Variants in SLC22A3 observed in about 807,000 individuals in gnomAD.
The protein encoded by SLC22A3 is solute carrier family 22 member 3, also known as EMT organic cation transporter 3.
Under a neutral mutation model 59.1 loss-of-function variants are expected in SLC22A3, and 51 were observed. The ratio of observed to expected loss-of-function variants is 0.86; its 90% CI spans 0.69 to 1.09. The LOEUF is 1.09. SLC22A3 is among the 50% of genes least tolerant of loss of function. The pLI, the probability that SLC22A3 is intolerant of heterozygous loss-of-function variation, is 0.00. For synonymous variants in SLC22A3, 325 were observed against 292.0 expected (o/e 1.11, Z -1.15); for missense variants, 711 against 726.3 (o/e 0.98, Z 0.24).
At chr6:160,430,366 C>T (rs959783713) in intron 5 of SLC22A3, among the ~76,000 whole-genome samples, 27 of 151,844 alleles carry the variant, frequency 1.8e-4, no homozygotes, top group Non-Finnish European at 3.7e-4. Flanking sequence ...TTTTTCTGAC[C>T]CGAGACCAGT....
chr6:160,446,920 G>A (rs1788766386), intron 9 of SLC22A3, among the ~76,000 whole-genome samples: 2 of 152,172 alleles, frequency 1.3e-5, no homozygotes, highest in African/African-American at 4.8e-5. Context: ...GCCCAGGCAG[G>A]GATGTTGTGT....
At chr6:160,409,200 T>C (rs1376944418) in intron 4 of SLC22A3, among the ~76,000 whole-genome samples, 1 of 100,022 alleles carries the variant, frequency 1.0e-5, no homozygotes, top group Non-Finnish European at 2.0e-5. Flanking sequence ...GTCCCCAGAG[T>C]GTGATATTCC....
intron 1 of SLC22A3, among the ~76,000 whole-genome samples, chr6:160,349,267 T>G (rs1384488023): frequency 6.6e-6 from 1 of 152,126 alleles, no homozygotes; most frequent in Non-Finnish European, 1.5e-5. Context: ...CGTTGGCAGT[T>G]CCGGATTCGC....
intron 1 of SLC22A3, among the ~76,000 whole-genome samples, chr6:160,383,530 A>G (rs939414287): frequency 2.0e-5 from 3 of 146,490 alleles, no homozygotes; most frequent in African/African-American, 7.4e-5. Flanking sequence ...TTCACATTCT[A>G]TACATAGAAT....
intron 7 of SLC22A3, among the ~76,000 whole-genome samples, chr6:160,442,211 G>A (rs1419512550): frequency 6.6e-6 from 1 of 152,174 alleles, no homozygotes; most frequent in African/African-American, 2.4e-5. Context: ...TTGCCTTAGT[G>A]GTAACACACA....
At chr6:160,426,168 CCTGA>C (rs1286647795) in intron 5 of SLC22A3, 1 of 985,382 alleles carries the variant, frequency 1.0e-6, no homozygotes, top group Non-Finnish European at 1.2e-6. Flanking sequence ...TTCAGCTATA[CCTGA>C]CTTTCTCTGG....
chr6:160,429,647 T>C (rs1356669254), intron 5 of SLC22A3, among the ~76,000 whole-genome samples: 1 of 152,182 alleles, frequency 6.6e-6, no homozygotes, highest in Non-Finnish European at 1.5e-5. Flanking sequence ...GCGGGGCTTG[T>C]TCAGCAGGCT....
Position 160,437,039 on chromosome 6 carries a change from G to A in SLC22A3, c.1116G>A (p.Leu372=), listed in dbSNP as rs141347281. ...AVVYQGLVMR[L]GIIGGNLYID... is the part of the protein sequence containing the mutation. Reference sequence around the variant, plus strand: ...TGTATCAAGGACTTGTCATGCGCCTGGGAATTATAGGGGGCAACCTCTATA... The same window carrying A: ...TGTATCAAGGACTTGTCATGCGCCTAGGAATTATAGGGGGCAACCTCTATA... Residue 372 remains leucine, a synonymous_variant, in exon 7 of 11, where the codon CTG becomes CTA. Coordinates refer to ENST00000275300, the MANE Select transcript of SLC22A3 (RefSeq NM_021977.4). 7.3e-5 allele frequency: 118 copies of A among 1,614,130 alleles called. No homozygotes were observed. The African/African-American group carries it at 1.5e-3, about 21-fold the overall frequency.
chr6:160,422,638 C>G (rs1213179379), intron 5 of SLC22A3, among the ~76,000 whole-genome samples: 1 of 152,144 alleles, frequency 6.6e-6, no homozygotes, highest in Non-Finnish European at 1.5e-5. Context: ...AATAGAATTT[C>G]ATATACAGAA....
chr6:160,405,527 A>C (rs979409082), intron 2 of SLC22A3, among the ~76,000 whole-genome samples: 1 of 152,144 alleles, frequency 6.6e-6, no homozygotes, highest in Non-Finnish European at 1.5e-5. Context: ...ACAAAATTAA[A>C]CATACTTTTA....
intron 2 of SLC22A3, among the ~76,000 whole-genome samples, chr6:160,404,866 C>CAAAAAAA (rs35421179): frequency 9.3e-6 from 1 of 107,218 alleles, no homozygotes; most frequent in Non-Finnish European, 2.0e-5. Flanking sequence ...CAACCACATG[C>CAAAAAAA]AAAAAAAAAA....
chr6:160,362,872 G>T (rs1785066322), intron 1 of SLC22A3, among the ~76,000 whole-genome samples: 1 of 152,346 alleles, frequency 6.6e-6, no homozygotes, highest in East Asian at 1.9e-4. Flanking sequence ...AGCTCCAACA[G>T]GGCTGGGCCG....
rs766552536 is a variant in SLC22A3, at chr6:160,348,743, C to T, written c.324C>T (p.Leu108=). Residue 108 remains leucine (L), a synonymous_variant, in exon 1 of 11, where the codon CTC becomes CTT. Coordinates refer to ENST00000275300, the MANE Select transcript of SLC22A3 (RefSeq NM_021977.4). The part of the protein sequence containing the change: ...ANDSASATSA[L]SCADPLAAFP... ...ACAGCGCCTCCGCCACTAGCGCTCT[C>T]AGCTGCGCGGACCCACTCGCCGCCT... 3.3e-6 allele frequency: 5 copies of T among 1,536,740 alleles called. No individual in the cohort carries two copies. The South Asian group carries it at 5.9e-5, about 18-fold the overall frequency.
rs568044907 is a variant in SLC22A3, at chr6:160,391,947, C to T, written c.430-6032C>T. 3.9e-5 allele frequency among the ~76,000 whole-genome samples: 6 copies of T among 152,330 alleles called. No homozygotes were observed. In the East Asian group the frequency reaches 9.6e-4, roughly 24 times the overall value. ...CTATTTCGAAGCTTAGCTGCCTAAC[C>T]TACAGTAAAGCCTGATAGTTATGAA... On this transcript the variant is annotated intron_variant, in intron 1 of 10. Coordinates refer to ENST00000275300, the MANE Select transcript of SLC22A3 (RefSeq NM_021977.4).
intron 2 of SLC22A3, among the ~76,000 whole-genome samples, chr6:160,399,093 C>A (rs915657534): frequency 2.0e-5 from 3 of 152,170 alleles, no homozygotes; most frequent in African/African-American, 4.8e-5. Flanking sequence ...ATGGGTAGAG[C>A]CTTGGGTTTC....
intron 9 of SLC22A3, among the ~76,000 whole-genome samples, chr6:160,445,818 G>A (rs184053708): frequency 5.6e-4 from 86 of 152,354 alleles, no homozygotes; most frequent in African/African-American, 2.0e-3. Flanking sequence ...AGGGTCTGCA[G>A]GGTGATGGGG....
rs948305669 is a variant in SLC22A3, at chr6:160,348,394, T to G, written c.-26T>G. On this transcript the variant is annotated 5_prime_UTR_variant, in exon 1 of 11. Coordinates refer to ENST00000275300, the MANE Select transcript of SLC22A3 (RefSeq NM_021977.4). ...CCGCGGGTCACTCCGAGGCGCGGGC[T>G]GCGGGCGGCGGGCGGCGGGCGCACC... 34 of 1,435,194 alleles carry G rather than the reference T, an allele frequency of 2.4e-5. No homozygotes were observed. Among genetic ancestry groups the G allele is most frequent in the East Asian group, 2.8e-5 (1 of 35,718 alleles). 88.9% of individuals were successfully genotyped at this position (1,435,194 alleles called of 1,614,324 possible). A position where few individuals can be genotyped will look rare whatever the true frequency, so the allele number is the denominator to read the frequency against.
At chr6:160,443,565 A>ATGT (rs1788628183) in intron 8 of SLC22A3, 65 bp from the exon 9 acceptor site, 1 of 1,072,238 alleles carries the variant, frequency 9.3e-7, no homozygotes, top group African/African-American at 1.5e-5. Flanking sequence ...ATGTCTGAAT[A>ATGT]TGTTGATTAT....
At chr6:160,439,624 A>G (rs1788475421) in intron 7 of SLC22A3, among the ~76,000 whole-genome samples, 1 of 152,180 alleles carries the variant, frequency 6.6e-6, no homozygotes, top group African/African-American at 2.4e-5. Context: ...CCAAGAACAG[A>G]CTGTTCTCCC....
Sources: allele counts gnomAD v4.1 joint callset (sites outside exome capture counted in the v4.1 genomes callset), GRCh38; gene constraint gnomAD v4.1.1; transcripts MANE v1.5; gene names NCBI Gene and HGNC (gene_info 2026-07-23, HGNC 2026-07-21).